Variants in SGCE observed in about 807,000 individuals in gnomAD.
SGCE encodes sarcoglycan epsilon.
A neutral mutation model predicts 57.8 loss-of-function variants in SGCE; 26 were observed. That is an observed-to-expected ratio of 0.45 (90% confidence interval 0.33 to 0.62). The LOEUF (loss-of-function observed/expected upper bound fraction) is 0.62. Ranked by LOEUF, SGCE falls within the 20% of genes least tolerant of loss-of-function variation. The pLI is 0.02. For synonymous variants in SGCE, 183 were observed against 189.5 expected (o/e 0.97, Z 0.28); for missense variants, 468 against 548.6 (o/e 0.85, Z 1.47).
intron 1 of SGCE, among the ~76,000 whole-genome samples, chr7:94,655,429 C>G (rs1414112671): frequency 1.3e-5 from 2 of 152,022 alleles, no homozygotes; most frequent in Admixed American, 1.3e-4. Flanking sequence ...CGAAGAAAAC[C>G]GAGATTTCCG....
At chr7:94,605,777 A>G (rs1236317829) in intron 5 of SGCE, among the ~76,000 whole-genome samples, 1 of 152,248 alleles carries the variant, frequency 6.6e-6, no homozygotes, top group East Asian at 1.9e-4. Flanking sequence ...GAAACAAAAA[A>G]CAAAGGCAAC....
chr7:94,627,391 C>A (rs1803893657), intron 3 of SGCE: 1 of 151,894 alleles, frequency 6.6e-6, no homozygotes, highest in Non-Finnish European at 1.5e-5. Context: ...CTGGTGAGGA[C>A]CTGATGAATG....
intron 1 of SGCE, among the ~76,000 whole-genome samples, chr7:94,649,432 T>C (rs747480881): frequency 2.6e-5 from 4 of 152,182 alleles, no homozygotes; most frequent in Non-Finnish European, 5.9e-5. Context: ...CTGGGGATTA[T>C]TACTTCCAAA....
intron 1 of SGCE, among the ~76,000 whole-genome samples, chr7:94,636,184 ATG>A (rs1408917624): frequency 1.3e-5 from 2 of 152,190 alleles, no homozygotes; most frequent in Non-Finnish European, 2.9e-5. Context: ...GTGTGATTTC[ATG>A]TGTGTGTTTT....
intron 1 of SGCE, among the ~76,000 whole-genome samples, chr7:94,651,009 T>G (rs1807794627): frequency 6.6e-6 from 1 of 152,202 alleles, no homozygotes; most frequent in Admixed American, 6.5e-5. Flanking sequence ...ATACTACAGA[T>G]GTGGTTGATT....
chr7:94,587,324 T>TA (rs1797043279), intron 10 of SGCE: 1 of 1,001,888 alleles, frequency 1.0e-6, no homozygotes, highest in Admixed American at 6.0e-5. Flanking sequence ...GGTAAGTAAG[T>TA]AAAATCTGGA....
chr7:94,587,543 G>A (rs879392293), intron 10 of SGCE: 1 of 1,312,234 alleles, frequency 7.6e-7, no homozygotes, highest in Non-Finnish European at 9.6e-7. Context: ...TGAAATTAGT[G>A]GTAGTAGGGA....
At chr7:94,635,184 A>G (rs1186247648) in intron 1 of SGCE, among the ~76,000 whole-genome samples, 1 of 152,196 alleles carries the variant, frequency 6.6e-6, no homozygotes, top group East Asian at 1.9e-4. Context: ...AGCATCGCAA[A>G]GGTGTTTTAA....
chr7:94,610,812 GAAT>G (rs1409201029), intron 5 of SGCE, among the ~76,000 whole-genome samples: 2 of 151,952 alleles, frequency 1.3e-5, no homozygotes, highest in African/African-American at 4.8e-5. Flanking sequence ...ATCAAAAAAT[GAAT>G]AATTCAATTA....
intron 1 of SGCE, among the ~76,000 whole-genome samples, chr7:94,643,642 C>G (rs1163958839): frequency 6.6e-6 from 1 of 152,060 alleles, no homozygotes; most frequent in Non-Finnish European, 1.5e-5. Flanking sequence ...TAAACCAAGT[C>G]CCACATATTG....
At chr7:94,621,586 G>A (rs1481934969) in intron 4 of SGCE, 1 of 152,190 alleles carries the variant, frequency 6.6e-6, no homozygotes. Context: ...TATAGAACAA[G>A]CTTTCAATTT....
intron 1 of SGCE, among the ~76,000 whole-genome samples, chr7:94,637,059 CAAAA>C (rs1161470203): frequency 1.1e-5 from 1 of 93,382 alleles, no homozygotes; most frequent in South Asian, 3.4e-4. Context: ...AACTCCATCT[CAAAA>C]AAAAAAAAAA....
intron 1 of SGCE, among the ~76,000 whole-genome samples, chr7:94,636,801 C>T (rs781762147): frequency 1.3e-5 from 2 of 152,186 alleles, no homozygotes; most frequent in African/African-American, 2.4e-5. Flanking sequence ...TGGCAGCTCA[C>T]GCCTATAATC....
intron 1 of SGCE, among the ~76,000 whole-genome samples, chr7:94,652,014 C>T (rs1361197622): frequency 6.6e-6 from 1 of 151,762 alleles, no homozygotes; most frequent in Non-Finnish European, 1.5e-5. Context: ...GACTGGAGAA[C>T]TGGATTCCGA....
chr7:94,603,015 G>A (rs945510003), intron 6 of SGCE, among the ~76,000 whole-genome samples: 2 of 152,138 alleles, frequency 1.3e-5, no homozygotes, highest in Non-Finnish European at 2.9e-5. Flanking sequence ...CTCATTAGCA[G>A]CTATATGGAT....
Position 94,622,017 on chromosome 7 carries a change from AG to A in SGCE, c.463+1307del, listed in dbSNP as rs555019111. The A allele has an allele frequency of 1.2e-4, 18 of 145,310 alleles. No individual in the cohort carries two copies. In the East Asian group the frequency reaches 3.5e-3, roughly 28 times the overall value. The allele number at this position is 145,310 out of a possible 1,614,324, so 9.0% of individuals were successfully genotyped here. A position where few individuals can be genotyped will look rare whatever the true frequency, so the allele number is the denominator to read the frequency against. ...ACACCTGGGGGAAAACATTCACTTA[AG>A]GGGGTTTAAGTGTTCAAGCAATCTC... On this transcript the variant is annotated intron_variant, in intron 4 of 10. Transcript: ENST00000648936.
intron 9 of SGCE, among the ~76,000 whole-genome samples, chr7:94,593,179 A>G (rs1433180571): frequency 1.3e-5 from 2 of 152,158 alleles, no homozygotes; most frequent in Non-Finnish European, 2.9e-5. Context: ...TTCAATTAGA[A>G]GACTTAATTC....
chr7:94,614,469 G>A (rs951353576), intron 5 of SGCE, among the ~76,000 whole-genome samples: 6 of 152,140 alleles, frequency 3.9e-5, no homozygotes, highest in African/African-American at 1.4e-4. Flanking sequence ...GTCTTACATG[G>A]TCTGGTCTTT....
At chr7:94,620,527 T>C (rs531413332) in intron 4 of SGCE, 10 of 152,262 alleles carry the variant, frequency 6.6e-5, no homozygotes, top group Admixed American at 3.3e-4. Flanking sequence ...TACCTAGAAA[T>C]AGTCATGCAG....
Sources: allele counts gnomAD v4.1 joint callset (sites outside exome capture counted in the v4.1 genomes callset), GRCh38; gene constraint gnomAD v4.1.1; transcripts MANE v1.5; gene names NCBI Gene and HGNC (gene_info 2026-07-23, HGNC 2026-07-21).